Variants in MYOM1 observed in about 807,000 individuals in gnomAD.
MYOM1 encodes myomesin 1.
In MYOM1, 164 loss-of-function variants were observed where a neutral mutation model predicts 205.3. That is an observed-to-expected ratio of 0.80 (90% CI 0.70 to 0.91). The LOEUF (loss-of-function observed/expected upper bound fraction) is 0.91. Among genes scored for constraint, MYOM1 ranks in the 40% least tolerant of loss-of-function variants. The pLI is 0.00. For missense variants in MYOM1, 2,011 were observed against 2,127.3 expected (o/e 0.95, Z 1.08); for synonymous variants, 772 against 789.4 (o/e 0.98, Z 0.37).
chr18:3,075,443 A>T lies in MYOM1; in HGVS notation c.4708+11T>A. ...GAGTACTTGTGAAAAGTAAAAAAAA[A>T]GTTTACTTACTTTTCTCGGCAATGG... On this transcript the variant is annotated intron_variant, in intron 36 of 37. Transcript: ENST00000356443. 6.2e-7 allele frequency: 1 copy of T among 1,610,036 alleles called. No individual in the cohort carries two copies. The highest frequency in any genetic ancestry group is 8.5e-7 in the Non-Finnish European group (1 of 1,176,830).
At chr18:3,120,038 T>G in intron 19 of MYOM1, 43 bp from the exon 20 acceptor site, 1 of 1,529,110 alleles carries the variant, frequency 6.5e-7, no homozygotes, top group Non-Finnish European at 8.8e-7. Flanking sequence ...GTTCCAGGTT[T>G]GTTTTTTTTT....
At chr18:3,099,568 G>A (rs979174982) in intron 25 of MYOM1, among the ~76,000 whole-genome samples, 2 of 152,152 alleles carry the variant, frequency 1.3e-5, no homozygotes, top group Admixed American at 1.3e-4. Flanking sequence ...AACCTTCCAA[G>A]GGTCATTTCT....
At chr18:3,102,147 A>G (rs1003602961) in intron 23 of MYOM1, among the ~76,000 whole-genome samples, 6 of 151,392 alleles carry the variant, frequency 4.0e-5, no homozygotes, top group African/African-American at 7.3e-5. Flanking sequence ...GACTACAGGC[A>G]CCCACCACCA....
At chr18:3,143,994 C>G (rs1389901460) in intron 13 of MYOM1, among the ~76,000 whole-genome samples, 1 of 150,590 alleles carries the variant, frequency 6.6e-6, no homozygotes, top group African/African-American at 2.4e-5. Flanking sequence ...ATCACAAGGT[C>G]AGGAGATCAA....
chr18:3,084,276 C>G (rs138007119), intron 31 of MYOM1, among the ~76,000 whole-genome samples: 1 of 152,144 alleles, frequency 6.6e-6, no homozygotes, highest in East Asian at 1.9e-4. Context: ...TATTTACATT[C>G]TAGAGAAAGG....
chr18:3,183,589 G>A (rs966506994), intron 5 of MYOM1, among the ~76,000 whole-genome samples: 2 of 152,152 alleles, frequency 1.3e-5, no homozygotes, highest in Non-Finnish European at 2.9e-5. Flanking sequence ...TGTGGCTAAG[G>A]ACATAACTGC....
intron 16 of MYOM1, among the ~76,000 whole-genome samples, chr18:3,132,260 T>G (rs958498252): frequency 3.3e-5 from 5 of 151,786 alleles, no homozygotes; most frequent in African/African-American, 1.2e-4. Context: ...CAAGCAATTC[T>G]CTGCCTCAGC....
chr18:3,237,237 G>A, the MYOM1 span, among the ~76,000 whole-genome samples: 1 of 152,208 alleles, frequency 6.6e-6, no homozygotes, highest in Non-Finnish European at 1.5e-5. Flanking sequence ...CAACCCAAGT[G>A]TCCATCAACA....
rs570741256 is a variant in MYOM1, at chr18:3,088,567, G to A, written c.4137+607C>T. 1.2e-3 allele frequency among the ~76,000 whole-genome samples: 178 copies of A among 152,172 alleles called. 2 individuals are homozygous for A. Among genetic ancestry groups the A allele is most frequent in the African/African-American group, 3.8e-3 (156 of 41,520 alleles). On this transcript the variant is annotated intron_variant, in intron 29 of 37. Coordinates refer to ENST00000356443, the MANE Select transcript of MYOM1 (RefSeq NM_003803.4). ...CCTTGTCAGCCAGCAGGACCTTCAC[G>A]CTCCAACCTCACCCACCGGTTCCTT...
At chr18:3,137,191 C>T (rs547663675) in intron 14 of MYOM1, among the ~76,000 whole-genome samples, 13 of 152,164 alleles carry the variant, frequency 8.5e-5, no homozygotes, top group South Asian at 4.2e-4. Flanking sequence ...CCTCGTGATC[C>T]GCCCACCTCA....
At chr18:3,153,721 G>C (rs2080252385) in intron 11 of MYOM1, among the ~76,000 whole-genome samples, 1 of 152,160 alleles carries the variant, frequency 6.6e-6, no homozygotes, top group Non-Finnish European at 1.5e-5. Flanking sequence ...GAGCACAATT[G>C]CATGTATTTA....
intron 18 of MYOM1, among the ~76,000 whole-genome samples, chr18:3,127,128 A>G (rs989390106): frequency 5.9e-5 from 9 of 151,756 alleles, no homozygotes; most frequent in African/African-American, 1.9e-4. Flanking sequence ...ATGGTACAAT[A>G]CCCTGAAAGA....
intron 22 of MYOM1, among the ~76,000 whole-genome samples, chr18:3,108,828 C>T (rs1035159399): frequency 3.3e-5 from 5 of 151,852 alleles, no homozygotes; most frequent in Admixed American, 6.6e-5. Context: ...CGTGAGGCAC[C>T]GTGTCCGGCC....
intron 4 of MYOM1, among the ~76,000 whole-genome samples, chr18:3,187,857 CTTT>C (rs763218658): frequency 3.2e-5 from 4 of 124,230 alleles, no homozygotes; most frequent in Admixed American, 8.0e-5. Flanking sequence ...ATTTCTTTTT[CTTT>C]TTTTTTTTTT....
intron 10 of MYOM1, among the ~76,000 whole-genome samples, chr18:3,158,278 T>G (rs966557393): frequency 6.6e-6 from 1 of 152,194 alleles, no homozygotes. Flanking sequence ...TACATGTGGG[T>G]AGACATTGGT....
chr18:3,207,477 T>C (rs2081137984), intron 2 of MYOM1, among the ~76,000 whole-genome samples: 1 of 152,352 alleles, frequency 6.6e-6, no homozygotes, highest in Non-Finnish European at 1.5e-5. Flanking sequence ...TATTAACTTA[T>C]TTATAAAGCA....
chr18:3,214,935 C>CT lies in MYOM1; in HGVS notation c.288_289insA (p.Gly97ArgfsTer11). ...GTTGGAGGAGGGCGTCCGACATACC[C>CT]ATGGGAGGAGCCATAATCGTAGGCT... On this transcript the variant is annotated frameshift_variant and splice_region_variant, in exon 2 of 38. Coordinates refer to ENST00000356443, the MANE Select transcript of MYOM1 (RefSeq NM_003803.4). LOFTEE classifies it high-confidence loss of function. The CT allele has an allele frequency of 6.3e-7, 1 of 1,593,130 alleles. No individual in the cohort carries two copies. The highest frequency in any genetic ancestry group is 8.6e-7 in the Non-Finnish European group (1 of 1,167,760).
chr18:3,141,901 G>A lies in MYOM1; in HGVS notation c.2025+38C>T, dbSNP rs553859026. The A allele has an allele frequency of 2.0e-4, 329 of 1,611,288 alleles. 5 individuals carry two copies. In the South Asian group the frequency reaches 3.4e-3, roughly 17 times the overall value. On this transcript the variant is annotated intron_variant, in intron 14 of 37. Coordinates refer to ENST00000356443, the MANE Select transcript of MYOM1 (RefSeq NM_003803.4). ...CTCCACTTTTCTAAAGAAATCCTTA[G>A]GAGGTAGTATGAGGTCATGTTGATT...
At chr18:3,113,268 A>G (rs1232577716) in intron 21 of MYOM1, among the ~76,000 whole-genome samples, 10 of 150,000 alleles carry the variant, frequency 6.7e-5, no homozygotes, top group Admixed American at 6.7e-4. Flanking sequence ...GTATATGTGT[A>G]TGTATATATA....
Sources: gnomAD v4.1 joint callset for allele counts (sites outside exome capture counted in the v4.1 genomes callset) on GRCh38, gnomAD v4.1.1 for gene constraint, MANE v1.5 for transcripts, NCBI Gene and HGNC (gene_info 2026-07-23, HGNC 2026-07-21) for gene names.